Variants in RBFOX1 observed in about 807,000 individuals in gnomAD.
RBFOX1 encodes the protein RNA binding protein fox-1 homolog 1.
RBFOX1 carries 8 observed loss-of-function variants against 57.7 expected under a neutral mutation model. The observed-to-expected ratio is 0.14, with a 90% confidence interval of 0.08 to 0.25. RBFOX1 has a LOEUF of 0.25. Ranked by LOEUF, RBFOX1 falls within the 10% of genes least tolerant of loss-of-function variation. The pLI, the probability that RBFOX1 is intolerant of heterozygous loss-of-function variation, is 1.00. For missense variants in RBFOX1, 611 were observed against 548.5 expected, an observed-to-expected ratio of 1.11 and a Z score of -1.14; for synonymous variants, 326 against 222.4, an observed-to-expected ratio of 1.47 and a Z score of -4.15.
chr16:7,430,033 C>T (rs1598257164), intron 4 of RBFOX1, among the ~76,000 whole-genome samples: 1 of 152,160 alleles, frequency 6.6e-6, no homozygotes, highest in South Asian at 2.1e-4. Flanking sequence ...TTCCCCAGCT[C>T]CTAACATGAT....
At chr16:6,846,257 C>A (rs919332625) in intron 3 of RBFOX1, among the ~76,000 whole-genome samples, 4 of 152,130 alleles carry the variant, frequency 2.6e-5, no homozygotes, top group African/African-American at 9.7e-5. Context: ...CCTCCTATTA[C>A]GTGAATTGGC....
At chr16:6,828,321 C>A (rs1485137996) in intron 3 of RBFOX1, among the ~76,000 whole-genome samples, 1 of 151,964 alleles carries the variant, frequency 6.6e-6, no homozygotes, top group South Asian at 2.1e-4. Context: ...GTGAAGAGAT[C>A]AGGAGCATCG....
At chr16:6,111,492 G>T (rs2096446262) in intron 1 of RBFOX1, among the ~76,000 whole-genome samples, 1 of 152,186 alleles carries the variant, frequency 6.6e-6, no homozygotes, top group Admixed American at 6.5e-5. Flanking sequence ...CACCCACTTT[G>T]TCAGTGAATT....
intron 3 of RBFOX1, among the ~76,000 whole-genome samples, chr16:5,831,473 T>TTTTTTATTATTATTATTATTA (rs1555540197): frequency 2.1e-5 from 3 of 141,518 alleles, no homozygotes; most frequent in African/African-American, 7.8e-5. Flanking sequence ...TCTTTTCTCT[T>TTTTTTATTATTATTATTATTA]TTATTATTAT....
chr16:5,559,273 T>C (rs983183491), intron 2 of RBFOX1, among the ~76,000 whole-genome samples: 2 of 152,004 alleles, frequency 1.3e-5, no homozygotes, highest in African/African-American at 4.8e-5. Context: ...TTGGTTTGTT[T>C]AAGCATGGTT....
chr16:5,842,644 G>T (rs1284709284), intron 3 of RBFOX1, among the ~76,000 whole-genome samples: 2 of 152,096 alleles, frequency 1.3e-5, no homozygotes, highest in Non-Finnish European at 2.9e-5. Context: ...AAATAATGAG[G>T]TCCATGCTCT....
At position 5,254,074 on chromosome 16, in the gene RBFOX1, C is replaced by G. The variant is rs114512795; in HGVS notation, c.219+13969C>G. Reference sequence around the variant, plus strand: ...GTCACTGTGAGGGCCAGGTCCATGCCTGTTTCTGATTCTCATTTGTGTCTC... The same window carrying G: ...GTCACTGTGAGGGCCAGGTCCATGCGTGTTTCTGATTCTCATTTGTGTCTC... On this transcript the variant is annotated intron_variant, in intron 1 of 2. Coordinates refer to the RBFOX1 transcript ENST00000585867. Among the ~76,000 whole-genome samples, 360 of 152,342 alleles carry G rather than the reference C, an allele frequency of 2.4e-3. 4 individuals carry two copies. Among genetic ancestry groups the G allele is most frequent in the African/African-American group, 8.4e-3 (349 of 41,584 alleles).
intron 1 of RBFOX1, among the ~76,000 whole-genome samples, chr16:6,256,237 A>ATATATATGTATATATATATGTG (rs1567788526): frequency 5.9e-5 from 5 of 84,310 alleles, no homozygotes; most frequent in East Asian, 6.3e-4. Context: ...ATATATGTGT[A>ATATATATGTATATATATATGTG]TATATATATG....
chr16:6,082,544 C>A (rs982897216), intron 1 of RBFOX1, among the ~76,000 whole-genome samples: 1 of 151,450 alleles, frequency 6.6e-6, no homozygotes, highest in East Asian at 2.0e-4. Context: ...TTGTCTTTTC[C>A]CTTTCAAATA....
intron 1 of RBFOX1, among the ~76,000 whole-genome samples, chr16:6,137,364 G>T (rs1394268659): frequency 6.6e-6 from 1 of 152,112 alleles, no homozygotes; most frequent in Non-Finnish European, 1.5e-5. Flanking sequence ...GAGTGTAGTG[G>T]CGTGATCCCG....
At position 7,267,674 on chromosome 16, in the gene RBFOX1, G is replaced by A. The variant is rs374820949; in HGVS notation, c.27+215576G>A. Reference sequence around the variant, plus strand: ...GTTCGAGACCAGCCTGGCCAACATGGCAAAACCCCATCTTTACTAAAAATA... The same window carrying A: ...GTTCGAGACCAGCCTGGCCAACATGACAAAACCCCATCTTTACTAAAAATA... On this transcript the variant is annotated intron_variant, in intron 4 of 15. Coordinates refer to ENST00000550418, the MANE Select transcript of RBFOX1 (RefSeq NM_018723.4). Among the ~76,000 whole-genome samples the A allele has an allele frequency of 1.6e-4, 25 of 152,196 alleles. 1 individual carries two copies. The highest frequency in any genetic ancestry group is 2.5e-4 in the Non-Finnish European group (17 of 68,000).
At chr16:6,948,375 C>CTTTTTTTTTTTTTTTTTTTTT (rs968186299) in intron 3 of RBFOX1, among the ~76,000 whole-genome samples, 5 of 67,970 alleles carry the variant, frequency 7.4e-5, no homozygotes, top group Admixed American at 3.1e-4. Context: ...TTCTCCCTTT[C>CTTTTTTTTTTTTTTTTTTTTT]TTTTTTTTTT....
chr16:7,686,581 G>T (rs2076115563), intron 14 of RBFOX1, among the ~76,000 whole-genome samples: 1 of 152,052 alleles, frequency 6.6e-6, no homozygotes, highest in Non-Finnish European at 1.5e-5. Flanking sequence ...GACAAAAAAA[G>T]AAAAAGCCAA....
At chr16:7,074,493 T>A (rs1318379263) in intron 4 of RBFOX1, among the ~76,000 whole-genome samples, 1 of 152,090 alleles carries the variant, frequency 6.6e-6, no homozygotes, top group Non-Finnish European at 1.5e-5. Context: ...CAGAAATCTG[T>A]TAACTTGAAG....
At chr16:6,127,055 A>G (rs960288147) in intron 1 of RBFOX1, among the ~76,000 whole-genome samples, 1 of 152,204 alleles carries the variant, frequency 6.6e-6, no homozygotes, top group Non-Finnish European at 1.5e-5. Flanking sequence ...GGAAGGAATC[A>G]AGCTGGACCC....
chr16:5,420,853 C>T (rs988660093), intron 1 of RBFOX1, among the ~76,000 whole-genome samples: 3 of 144,806 alleles, frequency 2.1e-5, no homozygotes, highest in Non-Finnish European at 3.0e-5. Context: ...ACCACCACCT[C>T]CTCTTCCTCC....
At chr16:5,861,487 C>T (rs994500285) in intron 3 of RBFOX1, among the ~76,000 whole-genome samples, 6 of 152,174 alleles carry the variant, frequency 3.9e-5, no homozygotes, top group South Asian at 4.1e-4. Flanking sequence ...TGAATATTCA[C>T]GTGGAAGAGA....
At chr16:7,254,128 C>A (rs184893930) in intron 4 of RBFOX1, among the ~76,000 whole-genome samples, 1 of 152,166 alleles carries the variant, frequency 6.6e-6, no homozygotes, top group African/African-American at 2.4e-5. Context: ...TCACATCAAC[C>A]CTGTGACCCC....
Position 6,360,196 on chromosome 16 carries a change from C to A in RBFOX1, c.-64+43139C>A, listed in dbSNP as rs185605885. ...ACCTTGTAATGAAAATAGGAAGAAG[C>A]AGGAAATGAATTTCTTATACATCAT... On this transcript the variant is annotated intron_variant, in intron 2 of 15. Transcript: ENST00000550418. Among the ~76,000 whole-genome samples the A allele has an allele frequency of 3.4e-3, 522 of 151,828 alleles. 3 individuals carry two copies. Among genetic ancestry groups the A allele is most frequent in the Middle Eastern group, 6.8e-3 (2 of 292 alleles).
Sources: gnomAD v4.1 joint callset for allele counts (sites outside exome capture counted in the v4.1 genomes callset) on GRCh38, gnomAD v4.1.1 for gene constraint, MANE v1.5 for transcripts, NCBI Gene and HGNC (gene_info 2026-07-23, HGNC 2026-07-21) for gene names.